HDAC9: variants seen among roughly 807,000 people sequenced by gnomAD.
HDAC9 encodes MEF-2 interacting transcription repressor (MITR) protein.
A neutral mutation model predicts 139.4 loss-of-function variants in HDAC9; 41 were observed. The observed-to-expected ratio is 0.29, with a 90% CI of 0.23 to 0.38. The LOEUF is 0.38. HDAC9 is among the 10% of genes least tolerant of loss of function. HDAC9 has a pLI of 1.00. For missense variants in HDAC9, 1,147 were observed against 1,297.0 expected, an observed-to-expected ratio of 0.88 and a Z score of 1.78; for synonymous variants, 517 against 476.2, an observed-to-expected ratio of 1.09 and a Z score of -1.12.
intron 22 of HDAC9, among the ~76,000 whole-genome samples, chr7:18,887,990 C>T (rs1177666339): frequency 6.6e-6 from 1 of 152,166 alleles, no homozygotes. Context: ...CAATATTTCT[C>T]CCACGTAGTT....
chr7:18,706,201 G>T (rs149032453), intron 12 of HDAC9, among the ~76,000 whole-genome samples: 1 of 124,480 alleles, frequency 8.0e-6, no homozygotes, highest in Non-Finnish European at 1.6e-5. Context: ...TTCTCCCTGA[G>T]CCGCAATAAA....
chr7:18,484,937 G>A (rs1212026109), intron 1 of HDAC9, among the ~76,000 whole-genome samples: 1 of 151,862 alleles, frequency 6.6e-6, no homozygotes, highest in African/African-American at 2.4e-5. Context: ...GTTCCAAAGG[G>A]TCCCTTCTGC....
At chr7:18,950,924 T>G (rs1782748329) in intron 23 of HDAC9, among the ~76,000 whole-genome samples, 1 of 152,048 alleles carries the variant, frequency 6.6e-6, no homozygotes, top group Non-Finnish European at 1.5e-5. Flanking sequence ...GCTTGATTGA[T>G]GTATACATCC....
chr7:18,250,644 A>C (rs914117715), intron 2 of HDAC9, among the ~76,000 whole-genome samples: 2 of 152,182 alleles, frequency 1.3e-5, no homozygotes, highest in Non-Finnish European at 2.9e-5. Context: ...TACCACGCAA[A>C]TCTCAAAGCC....
intron 17 of HDAC9, among the ~76,000 whole-genome samples, chr7:18,809,596 T>C (rs1042457409): frequency 2.0e-5 from 3 of 151,998 alleles, no homozygotes; most frequent in Non-Finnish European, 4.4e-5. Flanking sequence ...AAAGAAGGCA[T>C]ATATCTGGCC....
chr7:18,407,038 T>A (rs1788074799), intron 1 of HDAC9, among the ~76,000 whole-genome samples: 1 of 152,172 alleles, frequency 6.6e-6, no homozygotes. Context: ...TGTATCAATA[T>A]GTATAGACCC....
chr7:18,445,559 A>G (rs1291115468), intron 1 of HDAC9, among the ~76,000 whole-genome samples: 1 of 152,210 alleles, frequency 6.6e-6, no homozygotes, highest in African/African-American at 2.4e-5. Context: ...ATTACCTGTG[A>G]TATCAATTAA....
chr7:18,366,173 T>G (rs1465565737), intron 1 of HDAC9, among the ~76,000 whole-genome samples: 1 of 152,036 alleles, frequency 6.6e-6, no homozygotes, highest in Middle Eastern at 3.2e-3. Flanking sequence ...AGAGATAAGG[T>G]GGAGGGAAAC....
At chr7:18,639,198 C>T (rs760897099) in intron 8 of HDAC9, among the ~76,000 whole-genome samples, 1 of 152,072 alleles carries the variant, frequency 6.6e-6, no homozygotes, top group African/African-American at 2.4e-5. Context: ...TCACATGACT[C>T]ATCTGCCTGT....
chr7:18,992,857 G>A (rs940127747), intron 25 of HDAC9, among the ~76,000 whole-genome samples: 2 of 152,120 alleles, frequency 1.3e-5, no homozygotes, highest in Non-Finnish European at 2.9e-5. Context: ...CTTTCAATTC[G>A]TTAAACCATT....
chr7:18,291,320 C>G (rs1797791668), intron 1 of HDAC9, among the ~76,000 whole-genome samples: 1 of 152,154 alleles, frequency 6.6e-6, no homozygotes, highest in African/African-American at 2.4e-5. Context: ...AGACTGTAGT[C>G]TCTGGAGCCA....
At chr7:18,397,176 A>T (rs11761525) in intron 1 of HDAC9, among the ~76,000 whole-genome samples, 36 of 152,166 alleles carry the variant, frequency 2.4e-4, no homozygotes, top group Non-Finnish European at 4.6e-4. Context: ...ATGGGTGAAG[A>T]TGTGTGGACG....
At chr7:18,684,143 A>G (rs1229532764) in intron 12 of HDAC9, among the ~76,000 whole-genome samples, 1 of 151,690 alleles carries the variant, frequency 6.6e-6, no homozygotes, top group African/African-American at 2.4e-5. Flanking sequence ...CTGTAGTCCC[A>G]TCTACTTCAG....
At chr7:18,293,382 A>G (rs961786436) in intron 1 of HDAC9, among the ~76,000 whole-genome samples, 1 of 151,990 alleles carries the variant, frequency 6.6e-6, no homozygotes, top group Non-Finnish European at 1.5e-5. Context: ...TATGGAACCC[A>G]TCATTCTCAG....
Position 18,655,326 on chromosome 7 carries a change from G to A in HDAC9, c.1467+6643G>A, listed in dbSNP as rs1790752975. On this transcript the variant is annotated intron_variant, in intron 11 of 25. Transcript: ENST00000686413. ...CCAAAAACTTTAGCAAGCATTGAAAGGCAGTCTTAATTTTATAACAGTAAA... is the reference window on the plus strand; with the variant it reads ...CCAAAAACTTTAGCAAGCATTGAAAAGCAGTCTTAATTTTATAACAGTAAA... 3.3e-5 allele frequency among the ~76,000 whole-genome samples: 5 copies of A among 152,142 alleles called. No individual in the cohort carries two copies. In the South Asian group the frequency reaches 1.0e-3, roughly 32 times the overall value.
chr7:18,743,437 C>A (rs928395178), intron 13 of HDAC9, among the ~76,000 whole-genome samples: 3 of 151,988 alleles, frequency 2.0e-5, no homozygotes, highest in African/African-American at 7.2e-5. Flanking sequence ...TTTTTTTAAA[C>A]AGAATTTTTA....
intron 1 of HDAC9, among the ~76,000 whole-genome samples, chr7:18,342,292 C>T (rs1042086561): frequency 2.0e-5 from 3 of 151,774 alleles, no homozygotes; most frequent in African/African-American, 4.8e-5. Flanking sequence ...ACTTATTCTT[C>T]GGTTTCTGCT....
chr7:18,252,168 A>C (rs889141736), intron 2 of HDAC9, among the ~76,000 whole-genome samples: 1 of 152,186 alleles, frequency 6.6e-6, no homozygotes, highest in Non-Finnish European at 1.5e-5. Context: ...GGACAAAAAA[A>C]ATATGAAATA....
At chr7:18,299,849 C>T (rs952347192) in intron 1 of HDAC9, among the ~76,000 whole-genome samples, 1 of 152,174 alleles carries the variant, frequency 6.6e-6, no homozygotes, top group African/African-American at 2.4e-5. Flanking sequence ...TCTTAGCAAG[C>T]AAGCACTGTT....
Sources: allele counts gnomAD v4.1 joint callset (sites outside exome capture counted in the v4.1 genomes callset), GRCh38; gene constraint gnomAD v4.1.1; transcripts MANE v1.5; gene names NCBI Gene and HGNC (gene_info 2026-07-23, HGNC 2026-07-21).